SPAG16: variants seen among roughly 807,000 people sequenced by gnomAD.
The protein encoded by SPAG16 is sperm-associated antigen 16 protein.
In SPAG16, 86 loss-of-function variants were observed where a neutral mutation model predicts 80.4. The observed-to-expected ratio is 1.07, with a 90% CI of 0.90 to 1.28. The LOEUF is 1.28. SPAG16 is among the 50% of genes most tolerant of loss of function. The probability of loss-of-function intolerance (pLI) is 0.00; values close to 1 mark genes in which losing one functional copy is unlikely to be tolerated. For missense variants in SPAG16, 870 were observed against 765.3 expected (o/e 1.14, Z -1.61); for synonymous variants, 294 against 265.9 (o/e 1.11, Z -1.03).
intron 9 of SPAG16, among the ~76,000 whole-genome samples, chr2:213,427,459 C>A (rs1167829966): frequency 1.3e-5 from 2 of 152,102 alleles, no homozygotes; most frequent in African/African-American, 2.4e-5. Context: ...TTTTGACTGG[C>A]TTCTAATTTG....
intron 9 of SPAG16, among the ~76,000 whole-genome samples, chr2:213,424,485 C>T (rs914804677): frequency 6.6e-6 from 1 of 152,130 alleles, no homozygotes. Context: ...AAAACACTCT[C>T]AATTAGTAAA....
chr2:214,119,159 A>G (rs2054093666), intron 14 of SPAG16, among the ~76,000 whole-genome samples: 1 of 152,186 alleles, frequency 6.6e-6, no homozygotes, highest in Admixed American at 6.6e-5. Context: ...GATAGGCAAT[A>G]AACAATATTT....
At chr2:213,932,177 TA>T (rs2078783261) in intron 12 of SPAG16, among the ~76,000 whole-genome samples, 2 of 26,648 alleles carry the variant, frequency 7.5e-5, no homozygotes, top group Admixed American at 4.9e-4. Context: ...TATATATATA[TA>T]TATATATATA....
At chr2:213,860,008 A>G (rs1575381264) in intron 10 of SPAG16, among the ~76,000 whole-genome samples, 1 of 152,078 alleles carries the variant, frequency 6.6e-6, no homozygotes, top group African/African-American at 2.4e-5. Flanking sequence ...GATGATGATG[A>G]TGATGATGAT....
chr2:213,290,701 G>T (rs1444822126), intron 1 of SPAG16, among the ~76,000 whole-genome samples: 1 of 152,152 alleles, frequency 6.6e-6, no homozygotes, highest in African/African-American at 2.4e-5. Flanking sequence ...TAATTGTATG[G>T]ATGTTTCCTG....
At chr2:213,674,549 A>G (rs1192507667) in intron 10 of SPAG16, among the ~76,000 whole-genome samples, 1 of 147,938 alleles carries the variant, frequency 6.8e-6, no homozygotes, top group Non-Finnish European at 1.5e-5. Context: ...CCCACCCCAC[A>G]ACAGTCCCCA....
intron 10 of SPAG16, among the ~76,000 whole-genome samples, chr2:213,733,710 G>T (rs971845512): frequency 1.3e-5 from 2 of 151,966 alleles, no homozygotes; most frequent in African/African-American, 2.4e-5. Flanking sequence ...TCAATTTATG[G>T]TTCCAGTGGC....
chr2:214,236,046 A>C (rs1316050283), intron 15 of SPAG16, among the ~76,000 whole-genome samples: 2 of 152,198 alleles, frequency 1.3e-5, no homozygotes, highest in Non-Finnish European at 2.9e-5. Flanking sequence ...AAAGAAACAT[A>C]GTAGGGGTGT....
At chr2:214,193,616 A>C (rs1362108479) in intron 15 of SPAG16, among the ~76,000 whole-genome samples, 1 of 152,004 alleles carries the variant, frequency 6.6e-6, no homozygotes, top group East Asian at 1.9e-4. Flanking sequence ...TCATCTCTGC[A>C]ACGTCTGTCA....
intron 13 of SPAG16, among the ~76,000 whole-genome samples, chr2:214,076,464 A>G (rs2051075808): frequency 6.6e-6 from 1 of 151,978 alleles, no homozygotes; most frequent in South Asian, 2.1e-4. Flanking sequence ...AATTGGCCTA[A>G]AGTGAAAATT....
At chr2:213,872,600 T>C (rs1273870255) in intron 11 of SPAG16, among the ~76,000 whole-genome samples, 2 of 152,168 alleles carry the variant, frequency 1.3e-5, no homozygotes. Flanking sequence ...ATCAAATTGC[T>C]CTGGCTCGAA....
rs983778624 is a variant in SPAG16, at chr2:214,398,286, T to A, written c.1721-11854T>A. Among the ~76,000 whole-genome samples the A allele has an allele frequency of 2.0e-5, 3 of 152,324 alleles. No homozygotes were observed. The East Asian group carries it at 5.8e-4, about 29-fold the overall frequency. Reference sequence around the variant, plus strand: ...TGTGATAAATATATTTGTTAAACTTTAAAAAAATTTTTCCCTTTGCCACAT... The same window carrying A: ...TGTGATAAATATATTTGTTAAACTTAAAAAAAATTTTTCCCTTTGCCACAT... On this transcript the variant is annotated intron_variant, in intron 15 of 15. Transcript: ENST00000331683.
intron 12 of SPAG16, among the ~76,000 whole-genome samples, chr2:214,002,818 C>T (rs748903198): frequency 1.3e-5 from 2 of 152,088 alleles, no homozygotes; most frequent in South Asian, 2.1e-4. Context: ...CTTACATTGG[C>T]GAGGGACATC....
chr2:213,580,911 T>A (rs188673949), intron 10 of SPAG16, among the ~76,000 whole-genome samples: 2 of 151,580 alleles, frequency 1.3e-5, no homozygotes, highest in Admixed American at 6.6e-5. Context: ...GTGTGTGTGT[T>A]TTTTTACTAT....
At chr2:213,507,330 G>A (rs2075007273) in intron 10 of SPAG16, among the ~76,000 whole-genome samples, 1 of 152,110 alleles carries the variant, frequency 6.6e-6, no homozygotes, top group South Asian at 2.1e-4. Context: ...GTACTATTTA[G>A]TATTGCATAG....
intron 13 of SPAG16, among the ~76,000 whole-genome samples, chr2:214,050,320 T>C (rs1305694044): frequency 2.6e-5 from 4 of 152,078 alleles, no homozygotes; most frequent in Non-Finnish European, 5.9e-5. Flanking sequence ...TCAGTTTATC[T>C]TGCGGATCCC....
chr2:214,222,007 G>T (rs1008869902), intron 15 of SPAG16, among the ~76,000 whole-genome samples: 4 of 151,200 alleles, frequency 2.6e-5, no homozygotes, highest in Admixed American at 6.6e-5. Flanking sequence ...TTTTTGCCTA[G>T]TGACATCCAT....
At chr2:213,719,142 G>T (rs1174018391) in intron 10 of SPAG16, among the ~76,000 whole-genome samples, 4 of 150,964 alleles carry the variant, frequency 2.6e-5, no homozygotes, top group African/African-American at 9.8e-5. Flanking sequence ...TCGGCACTCT[G>T]TATCTAGCTC....
chr2:213,491,969 G>A (rs77290751), intron 10 of SPAG16, among the ~76,000 whole-genome samples: 4 of 152,218 alleles, frequency 2.6e-5, no homozygotes, highest in African/African-American at 7.2e-5. Flanking sequence ...GTAACATACC[G>A]CAGTGGAAGA....
Sources: gnomAD v4.1 joint callset for allele counts (sites outside exome capture counted in the v4.1 genomes callset) on GRCh38, gnomAD v4.1.1 for gene constraint, MANE v1.5 for transcripts, NCBI Gene and HGNC (gene_info 2026-07-23, HGNC 2026-07-21) for gene names.